FOXK2: variants seen among roughly 807,000 people sequenced by gnomAD.
FOXK2 encodes forkhead box protein K2.
FOXK2 carries 24 observed loss-of-function variants against 53.3 expected under a neutral mutation model. The ratio of observed to expected loss-of-function variants is 0.45; its 90% CI spans 0.33 to 0.63. The LOEUF (loss-of-function observed/expected upper bound fraction) is 0.63, where lower values mean the gene tolerates loss of function less well. Ranked by LOEUF, FOXK2 falls within the 30% of genes least tolerant of loss-of-function variation. The probability of loss-of-function intolerance (pLI) is 0.03; values close to 1 mark genes in which losing one functional copy is unlikely to be tolerated. For missense variants in FOXK2, 952 were observed against 910.5 expected (o/e 1.05, Z -0.59); for synonymous variants, 505 against 407.1 (o/e 1.24, Z -2.89).
intron 3 of FOXK2, 63 bp downstream of exon 3, chr17:82,568,264 T>C: frequency 6.3e-7 from 1 of 1,576,550 alleles, no homozygotes; most frequent in Non-Finnish European, 8.6e-7. Context: ...GGGCCCTCAA[T>C]GTCACCTGCC....
At position 82,555,118 on chromosome 17, in the gene FOXK2, C is replaced by T. The variant is rs75540760; in HGVS notation, c.420-8236C>T. 5.2e-3 allele frequency among the ~76,000 whole-genome samples: 791 copies of T among 152,322 alleles called. 5 individuals carry two copies. Among genetic ancestry groups the T allele is most frequent in the African/African-American group, 0.018 (755 of 41,574 alleles). ...TAGGCTGACTGTATGAGACAGCCCC[C>T]TCATCAGCCTAGTGTCTTCCAGACA... On this transcript the variant is annotated intron_variant, in intron 1 of 8. Coordinates refer to ENST00000335255, the MANE Select transcript of FOXK2 (RefSeq NM_004514.4).
chr17:82,576,482 A>G lies in FOXK2; in HGVS notation c.909+4612A>G. 3 of 535,528 alleles carry G rather than the reference A, an allele frequency of 5.6e-6. No individual in the cohort carries two copies. In the South Asian group the frequency reaches 6.3e-5, roughly 11 times the overall value. 33.2% of individuals were successfully genotyped at this position (535,528 alleles called of 1,614,324 possible). Reference sequence around the variant, plus strand: ...AAGTCATTTTGGTTTTGACCTGTCAATACTTAACATAAATGAAGAATTACA... The same window carrying G: ...AAGTCATTTTGGTTTTGACCTGTCAGTACTTAACATAAATGAAGAATTACA... On this transcript the variant is annotated intron_variant, in intron 4 of 8. Coordinates refer to ENST00000335255, the MANE Select transcript of FOXK2 (RefSeq NM_004514.4).
intron 4 of FOXK2, among the ~76,000 whole-genome samples, chr17:82,572,678 A>C (rs987757956): frequency 6.6e-6 from 1 of 152,224 alleles, no homozygotes; most frequent in Non-Finnish European, 1.5e-5. Context: ...AAAAACATAG[A>C]GAAGAAATGT....
intron 1 of FOXK2, among the ~76,000 whole-genome samples, chr17:82,557,034 T>A (rs35202115): frequency 0.16 from 23,688 of 147,494 alleles, 2,303 homozygotes; most frequent in East Asian, 0.39. Flanking sequence ...TATTATTATT[T>A]TTTATTTTTT....
intron 1 of FOXK2, among the ~76,000 whole-genome samples, chr17:82,535,443 T>C (rs1049000099): frequency 8.5e-5 from 13 of 152,200 alleles, no homozygotes; most frequent in African/African-American, 2.9e-4. Flanking sequence ...CAAACTTCCA[T>C]GGTTGGTTGG....
rs2045425275 is a variant in FOXK2 at position 82,604,583 on chromosome 17, AAT to A, written c.*3087_*3088del. ...GTACCAAGTTCCTGAAATTCAATAA[AAT>A]ATTTTTATTAATTTTAATGGAATGC... On this transcript the variant is annotated 3_prime_UTR_variant, in exon 9 of 9. Coordinates refer to ENST00000335255, the MANE Select transcript of FOXK2 (RefSeq NM_004514.4). 6.6e-6 allele frequency: 1 copy of A among 152,520 alleles called. No homozygotes were observed. The highest frequency in any genetic ancestry group is 2.4e-5 in the African/African-American group (1 of 41,420). 9.4% of individuals were successfully genotyped at this position (152,520 alleles called of 1,614,324 possible).
At chr17:82,565,009 C>G (rs1454269214) in intron 2 of FOXK2, among the ~76,000 whole-genome samples, 1 of 152,076 alleles carries the variant, frequency 6.6e-6, no homozygotes, top group Non-Finnish European at 1.5e-5. Flanking sequence ...GGATTACAGG[C>G]GTGAGCCACC....
Position 82,519,737 on chromosome 17 carries a change from T to TCGC in FOXK2, c.-145_-143dup, listed in dbSNP as rs2044338481. 4.8e-5 allele frequency: 8 copies of TCGC among 166,572 alleles called. No homozygotes were observed. The South Asian group carries it at 1.2e-3, about 25-fold the overall frequency. The allele number at this position is 166,572 out of a possible 1,614,324, so 10.3% of individuals were successfully genotyped here. On this transcript the variant is annotated 5_prime_UTR_variant, in exon 1 of 9. Coordinates refer to ENST00000335255, the MANE Select transcript of FOXK2 (RefSeq NM_004514.4). ...GCGCGGCCGCGCGTGCTCCCGCCCC[T>TCGC]CGCCGCCGCTCGCTCGCTCGCCGGC...
At chr17:82,541,701 G>C (rs2044576156) in intron 1 of FOXK2, among the ~76,000 whole-genome samples, 1 of 151,520 alleles carries the variant, frequency 6.6e-6, no homozygotes, top group South Asian at 2.1e-4. Flanking sequence ...CCTGTTTCAA[G>C]AGGTAGGAAG....
At chr17:82,563,058 C>T (rs769813131) in intron 1 of FOXK2, among the ~76,000 whole-genome samples, 1 of 152,150 alleles carries the variant, frequency 6.6e-6, no homozygotes, top group African/African-American at 2.4e-5. Flanking sequence ...CGGCCTGCCT[C>T]AGCCTCCCAA....
intron 1 of FOXK2, among the ~76,000 whole-genome samples, chr17:82,557,113 A>G (rs1295417531): frequency 6.7e-6 from 1 of 149,898 alleles, no homozygotes; most frequent in Admixed American, 6.6e-5. Context: ...GCTCACTGCA[A>G]CCTCCACCTC....
In FOXK2 at chr17:82,520,022, T is replaced by G; in HGVS notation, c.134T>G (p.Phe45Cys). 2.7e-6 allele frequency: 4 copies of G among 1,484,386 alleles called. No homozygotes were observed. Among genetic ancestry groups the G allele is most frequent in the Non-Finnish European group, 3.6e-6 (4 of 1,115,650 alleles). 92.0% of individuals were successfully genotyped at this position (1,484,386 alleles called of 1,614,324 possible). Residue 45 changes from phenylalanine to cysteine, a missense_variant, in exon 1 of 9, where the codon TTC becomes TGC. This residue lies in a region of FOXK2 where 163 missense variants were observed against 165.5 expected (regional missense o/e 0.98). Coordinates refer to ENST00000335255, the MANE Select transcript of FOXK2 (RefSeq NM_004514.4). ...GTGGCGCGCCTGGAGGGCCGCGAGTTCGAGTATCTGATGAAGAAGCGCTCG... is the reference window on the plus strand; with the variant it reads ...GTGGCGCGCCTGGAGGGCCGCGAGTGCGAGTATCTGATGAAGAAGCGCTCG... ...WAVARLEGRE[F>C]EYLMKKRSVT...
At chr17:82,534,412 A>G (rs1279479959) in intron 1 of FOXK2, among the ~76,000 whole-genome samples, 2 of 152,200 alleles carry the variant, frequency 1.3e-5, no homozygotes, top group Non-Finnish European at 1.5e-5. Context: ...TATAGGAACA[A>G]GTCAGACCAT....
At chr17:82,560,167 G>A (rs2044777354) in intron 1 of FOXK2, among the ~76,000 whole-genome samples, 2 of 151,814 alleles carry the variant, frequency 1.3e-5, no homozygotes, top group African/African-American at 4.8e-5. Flanking sequence ...CACCATGCCT[G>A]GCTTATTTTT....
chr17:82,574,078 C>T (rs561748193), intron 4 of FOXK2, among the ~76,000 whole-genome samples: 2 of 152,358 alleles, frequency 1.3e-5, no homozygotes, highest in African/African-American at 4.8e-5. Context: ...GCACAGCTCA[C>T]GTCGGCAGGG....
Position 82,582,942 on chromosome 17 carries a change from A to G in FOXK2, c.1103+8A>G, listed in dbSNP as rs1470954534. On this transcript the variant is annotated splice_region_variant and intron_variant, in intron 5 of 8. Coordinates refer to ENST00000335255, the MANE Select transcript of FOXK2 (RefSeq NM_004514.4). ...GGGACCGCTCTCTTCTAGGTAAGGA[A>G]AAAGAAGAACAAAAGGCCTCACTTC... 2.0e-6 allele frequency: 3 copies of G among 1,534,408 alleles called. No individual in the cohort carries two copies. Among genetic ancestry groups the G allele is most frequent in the Non-Finnish European group, 2.6e-6 (3 of 1,146,142 alleles).
At chr17:82,553,650 G>C (rs1056806309) in intron 1 of FOXK2, among the ~76,000 whole-genome samples, 1 of 152,224 alleles carries the variant, frequency 6.6e-6, no homozygotes, top group East Asian at 1.9e-4. Context: ...ATTCACAGGC[G>C]TGGCTGCGAA....
chr17:82,556,723 C>T (rs921224919), intron 1 of FOXK2, among the ~76,000 whole-genome samples: 5 of 151,622 alleles, frequency 3.3e-5, no homozygotes, highest in Admixed American at 6.6e-5. Context: ...TTTTTTGAGA[C>T]GGAGTCTTTG....
At chr17:82,545,243 C>T (rs1567969141) in intron 1 of FOXK2, among the ~76,000 whole-genome samples, 1 of 152,196 alleles carries the variant, frequency 6.6e-6, no homozygotes, top group African/African-American at 2.4e-5. Flanking sequence ...TCCACCTCTC[C>T]CAGCCAGGGC....
Sources: allele counts gnomAD v4.1 joint callset (sites outside exome capture counted in the v4.1 genomes callset), GRCh38; gene constraint gnomAD v4.1.1; regional missense constraint gnomAD v4.1.1; transcripts MANE v1.5; gene names NCBI Gene and HGNC (gene_info 2026-07-23, HGNC 2026-07-21).